MDGA2: variants seen among roughly 807,000 people sequenced by gnomAD.
MDGA2 encodes MAM domain containing glycosylphosphatidylinositol anchor 2.
A neutral mutation model predicts 117.8 loss-of-function variants in MDGA2; 40 were observed. The observed-to-expected ratio is 0.34, with a 90% confidence interval of 0.26 to 0.44. The LOEUF is 0.44. Among genes scored for constraint, MDGA2 ranks in the 20% least tolerant of loss-of-function variants. The pLI, the probability that MDGA2 is intolerant of heterozygous loss-of-function variation, is 1.00. For synonymous variants in MDGA2, 452 were observed against 439.0 expected (o/e 1.03, Z -0.37); for missense variants, 1,123 against 1,250.6 (o/e 0.90, Z 1.54).
At chr14:47,410,342 A>G (rs997714884) in intron 1 of MDGA2, among the ~76,000 whole-genome samples, 5 of 152,202 alleles carry the variant, frequency 3.3e-5, no homozygotes, top group African/African-American at 1.2e-4. Flanking sequence ...TTTAACAAGC[A>G]TGTTAAAAGT....
At chr14:47,185,878 C>A (rs999196488) in intron 3 of MDGA2, among the ~76,000 whole-genome samples, 5 of 151,272 alleles carry the variant, frequency 3.3e-5, no homozygotes, top group South Asian at 2.1e-4. Flanking sequence ...ATAAAAGATA[C>A]AAAAAACCCA....
At chr14:47,250,879 T>C (rs770324999) in intron 2 of MDGA2, among the ~76,000 whole-genome samples, 13 of 152,192 alleles carry the variant, frequency 8.5e-5, no homozygotes, top group Non-Finnish European at 1.8e-4. Context: ...GGTTTATGTC[T>C]TCATCATCTG....
At chr14:47,027,907 AAAGT>A (rs1386522265) in intron 8 of MDGA2, among the ~76,000 whole-genome samples, 1 of 152,072 alleles carries the variant, frequency 6.6e-6, no homozygotes, top group Non-Finnish European at 1.5e-5. Flanking sequence ...ATGGAAAGAT[AAAGT>A]AAGATATATG....
At chr14:47,240,714 G>C (rs1349234213) in intron 2 of MDGA2, among the ~76,000 whole-genome samples, 1 of 151,880 alleles carries the variant, frequency 6.6e-6, no homozygotes, top group African/African-American at 2.4e-5. Context: ...ACACAACTGA[G>C]GGGTTTTAGC....
chr14:47,348,418 G>T (rs758916063), intron 1 of MDGA2, among the ~76,000 whole-genome samples: 86 of 152,040 alleles, frequency 5.7e-4, no homozygotes, highest in Admixed American at 8.5e-4. Context: ...CACCATGTTG[G>T]CCAGGCTGGT....
At chr14:47,579,309 C>A (rs546767167) in intron 1 of MDGA2, among the ~76,000 whole-genome samples, 1 of 152,096 alleles carries the variant, frequency 6.6e-6, no homozygotes, top group East Asian at 1.9e-4. Context: ...TATTCATCCA[C>A]TTATTCTTGA....
intron 8 of MDGA2, among the ~76,000 whole-genome samples, chr14:46,979,857 G>A (rs1195348108): frequency 1.3e-5 from 2 of 152,170 alleles, no homozygotes; most frequent in East Asian, 1.9e-4. Flanking sequence ...CAAGTTATCC[G>A]GAAGATCTAG....
At chr14:47,109,170 T>C (rs1164958720) in intron 5 of MDGA2, among the ~76,000 whole-genome samples, 1 of 152,202 alleles carries the variant, frequency 6.6e-6, no homozygotes, top group Non-Finnish European at 1.5e-5. Flanking sequence ...AATTTTCTTG[T>C]TATTAATGGA....
chr14:47,028,804 A>G (rs1452170045), intron 8 of MDGA2, among the ~76,000 whole-genome samples: 1 of 152,212 alleles, frequency 6.6e-6, no homozygotes, highest in Admixed American at 6.6e-5. Flanking sequence ...GGACAAGTAA[A>G]GCTTGTTCAG....
At chr14:47,217,276 TA>T in intron 3 of MDGA2, among the ~76,000 whole-genome samples, 1 of 151,752 alleles carries the variant, frequency 6.6e-6, no homozygotes, top group East Asian at 1.9e-4. Flanking sequence ...ACCTAAAAAT[TA>T]AAATGCAAAT....
chr14:47,117,042 C>T (rs76890911), intron 5 of MDGA2, among the ~76,000 whole-genome samples: 42,090 of 150,908 alleles, frequency 0.28, 6,340 homozygotes, highest in South Asian at 0.48. Flanking sequence ...AAGGAAATCC[C>T]AAAACTCAAT....
At chr14:47,166,693 A>G (rs1333482204) in intron 3 of MDGA2, among the ~76,000 whole-genome samples, 1 of 152,208 alleles carries the variant, frequency 6.6e-6, no homozygotes, top group African/African-American at 2.4e-5. Flanking sequence ...GAGGAATACA[A>G]CTTGAAACAA....
At position 47,221,086 on chromosome 14, in the gene MDGA2, G is replaced by A. The variant is rs548541060; in HGVS notation, c.421-2891C>T. On this transcript the variant is annotated intron_variant, in intron 2 of 16. Transcript: ENST00000399232. ...TAATGAATAAGGAGGATTTCCTTGG[G>A]TTAGTATACAATTTAAATACTAAAT... 1.9e-4 allele frequency among the ~76,000 whole-genome samples: 29 copies of A among 152,260 alleles called. 1 individual carries two copies. The South Asian group carries it at 5.6e-3, about 29-fold the overall frequency.
chr14:47,433,211 G>A (rs528736854), intron 1 of MDGA2, among the ~76,000 whole-genome samples: 40 of 152,146 alleles, frequency 2.6e-4, no homozygotes, highest in Admixed American at 7.9e-4. Flanking sequence ...TTTATTAAAA[G>A]CATTTTAATA....
chr14:47,140,320 T>A (rs1037093868), intron 4 of MDGA2, among the ~76,000 whole-genome samples: 2 of 152,036 alleles, frequency 1.3e-5, no homozygotes, highest in Non-Finnish European at 2.9e-5. Flanking sequence ...TTCACAGATA[T>A]TGGAAAACAC....
At chr14:46,928,809 CATTTA>C (rs1039157820) in intron 9 of MDGA2, among the ~76,000 whole-genome samples, 21 of 152,174 alleles carry the variant, frequency 1.4e-4, no homozygotes, top group African/African-American at 4.8e-4. Flanking sequence ...TAGTACTTAG[CATTTA>C]ATTACAAAAA....
At chr14:47,070,086 G>C (rs1486695794) in intron 6 of MDGA2, among the ~76,000 whole-genome samples, 1 of 151,910 alleles carries the variant, frequency 6.6e-6, no homozygotes, top group Non-Finnish European at 1.5e-5. Flanking sequence ...TATATGCTTT[G>C]TTATTTTTAA....
intron 1 of MDGA2, among the ~76,000 whole-genome samples, chr14:47,620,664 T>C (rs1306551469): frequency 5.3e-5 from 8 of 152,160 alleles, no homozygotes; most frequent in Admixed American, 5.2e-4. Context: ...TATCAACAAT[T>C]TTTAAATAAG....
Position 46,957,507 on chromosome 14 carries a change from T to A in MDGA2, c.1956A>T (p.Leu652Phe). 2 of 1,614,142 alleles carry A rather than the reference T, an allele frequency of 1.2e-6. No individual in the cohort carries two copies. Among genetic ancestry groups the A allele is most frequent in the Non-Finnish European group, 1.7e-6 (2 of 1,180,006 alleles). ...TYEWRLGNKL[L>F]RTGQFDSQEY... ...CCTGAGAGTCAAATTGACCCGTCCG[T>A]AATAATTTATTGCCCAAGCGCCACT... The change falls in exon 9 of 17, where the codon TTA (leucine) becomes TTT (phenylalanine). Residue 652 changes from leucine to phenylalanine, a missense_variant. Physicochemically the swap from Leu to Phe is conservative, Grantham distance 22 (BLOSUM62 0). Around this residue, in one of 2 missense-constraint regions of MDGA2, gnomAD observed 890 missense variants for 1,050.3 expected, o/e 0.85. Transcript: ENST00000399232.
Sources: allele counts gnomAD v4.1 joint callset (sites outside exome capture counted in the v4.1 genomes callset), GRCh38; gene constraint gnomAD v4.1.1; regional missense constraint gnomAD v4.1.1; transcripts MANE v1.5; gene names NCBI Gene and HGNC (gene_info 2026-07-23, HGNC 2026-07-21).